The following NRROS variants were observed in gnomAD, a reference collection of about 807,000 sequenced individuals.
The protein encoded by NRROS is negative regulator of reactive oxygen species.
In NRROS, 6 loss-of-function variants were observed where a neutral mutation model predicts 12.0. The ratio of observed to expected loss-of-function variants is 0.50; its 90% CI spans 0.27 to 0.98. NRROS has a LOEUF of 0.98. Among genes scored for constraint, NRROS ranks in the 50% least tolerant of loss-of-function variants. NRROS has a pLI of 0.11. For synonymous variants in NRROS, 462 were observed against 410.2 expected, an observed-to-expected ratio of 1.13 and a Z score of -1.53; for missense variants, 857 against 888.2, an observed-to-expected ratio of 0.96 and a Z score of 0.45.
At chr3:196,644,214 C>A (rs1210384094) in intron 1 of NRROS, among the ~76,000 whole-genome samples, 1 of 152,076 alleles carries the variant, frequency 6.6e-6, no homozygotes, top group Non-Finnish European at 1.5e-5. Context: ...CTTGCTTTGT[C>A]TCCACAGAAG....
chr3:196,659,389 A>C (rs149080484), intron 2 of NRROS, among the ~76,000 whole-genome samples: 1,699 of 146,332 alleles, frequency 0.012, 39 homozygotes, highest in African/African-American at 0.041. Flanking sequence ...GCTCACTGCA[A>C]TCTCTGCCTC....
chr3:196,660,767 C>G lies in NRROS; in HGVS notation c.1124C>G (p.Pro375Arg), dbSNP rs775822148. The change falls in exon 3 of 3, where the codon CCC becomes CGC. Residue 375 changes from proline to arginine, a missense_variant. Coordinates refer to ENST00000328557, the MANE Select transcript of NRROS (RefSeq NM_198565.3). This position sits in a 1 kb window ranked among gnomAD's most constrained non-coding sequence, Gnocchi z 7.7. ...MTLHIREHEP[P>R]GALTELDLSH... ...CTTCACATTCGGGAGCACGAGCCCC[C>G]CGGAGCGCTCACCGAGCTGGACCTG... 5.0e-6 allele frequency: 8 copies of G among 1,613,758 alleles called. No homozygotes were observed. The highest frequency in any genetic ancestry group is 4.5e-5 in the East Asian group (2 of 44,886).
Position 196,660,863 on chromosome 3 carries a change from TC to T in NRROS, c.1221del (p.Phe407LeufsTer3). 1 of 1,613,962 alleles carries T rather than the reference TC, an allele frequency of 6.2e-7. No individual in the cohort carries two copies. The highest frequency in any genetic ancestry group is 8.5e-7 in the Non-Finnish European group (1 of 1,180,032). ...LASCLGSLRL[F>X]NLSSNQLLGV... ...AGCTGCCTGGGCAGCCTGCGCTTGTTCAACCTGAGCTCCAACCAGCTCCTGG... is the reference window on the plus strand; with the variant it reads ...AGCTGCCTGGGCAGCCTGCGCTTGTTAACCTGAGCTCCAACCAGCTCCTGG... On this transcript the variant is annotated frameshift_variant, in exon 3 of 3. Transcript: ENST00000328557. LOFTEE classifies it low-confidence loss of function (END_TRUNC). This position sits in a 1 kb window ranked among gnomAD's most constrained non-coding sequence, Gnocchi z 7.7.
In NRROS at chr3:196,660,304, G is replaced by A. The variant is rs982639724; in HGVS notation, c.661G>A (p.Val221Met). Residue 221 changes from valine (V) to methionine (M), a missense_variant, in exon 3 of 3, where the codon GTG (valine) becomes ATG (methionine). Physicochemically the swap from Val to Met is conservative, Grantham distance 21. Coordinates refer to ENST00000328557, the MANE Select transcript of NRROS (RefSeq NM_198565.3). This position sits in a 1 kb window ranked among gnomAD's most constrained non-coding sequence, Gnocchi z 7.7. ...NLAFNNLPCIVDFGLTRLRVL... is the reference protein window; with the variant it reads ...NLAFNNLPCIMDFGLTRLRVL... Reference sequence around the variant, plus strand: ...GGCCTTCAACAACCTCCCCTGCATCGTGGACTTCGGGCTCACGCGGCTGCG... The same window carrying A: ...GGCCTTCAACAACCTCCCCTGCATCATGGACTTCGGGCTCACGCGGCTGCG... 5.6e-6 allele frequency: 9 copies of A among 1,613,946 alleles called. No homozygotes were observed. Among genetic ancestry groups the A allele is most frequent in the Admixed American group, 1.7e-5 (1 of 60,012 alleles).
intron 1 of NRROS, among the ~76,000 whole-genome samples, chr3:196,640,156 C>G (rs549621406): frequency 6.6e-6 from 1 of 152,216 alleles, no homozygotes; most frequent in African/African-American, 2.4e-5. Flanking sequence ...CAGATTCAGA[C>G]GTGGGTTTGA....
At chr3:196,649,673 G>T (rs555712468) in intron 1 of NRROS, among the ~76,000 whole-genome samples, 1 of 152,030 alleles carries the variant, frequency 6.6e-6, no homozygotes. Flanking sequence ...GGGTTTCACT[G>T]TGTTAGCCAG....
intron 2 of NRROS, among the ~76,000 whole-genome samples, chr3:196,658,100 C>G (rs948602215): frequency 1.3e-5 from 2 of 152,244 alleles, no homozygotes; most frequent in African/African-American, 4.8e-5. Context: ...CCCTGGAACT[C>G]TTGCTCTCAG....
intron 2 of NRROS, among the ~76,000 whole-genome samples, chr3:196,657,707 CAAA>C (rs11403911): frequency 5.7e-5 from 7 of 123,166 alleles, no homozygotes; most frequent in Admixed American, 8.2e-5. Flanking sequence ...GACTCTGTCT[CAAA>C]AAAAAAAAAA....
At position 196,660,102 on chromosome 3, in the gene NRROS, C is replaced by G. The variant is rs143442680; in HGVS notation, c.459C>G (p.Leu153=). 6.2e-7 allele frequency: 1 copy of G among 1,613,172 alleles called. No homozygotes were observed. The highest frequency in any genetic ancestry group is 1.1e-5 in the South Asian group (1 of 91,066). The change falls in exon 3 of 3, where the codon CTC becomes CTG. Residue 153 remains leucine (L), a synonymous_variant. Transcript: ENST00000328557. This position sits in a 1 kb window ranked among gnomAD's most constrained non-coding sequence, Gnocchi z 7.7. ...CGGAGGACATGGCAGCCCTCATGCT[C>G]CAGAACCTCTCCTCGCTGCGGTCCG... ...ALTEDMAALM[L]QNLSSLRSVS... is the part of the protein sequence containing the mutation.
At position 196,654,645 on chromosome 3, in the gene NRROS, T is replaced by C; in HGVS notation, c.106T>C (p.Leu36=). Residue 36 remains leucine, a splice_region_variant and synonymous_variant, in exon 2 of 3, where the codon TTG becomes CTG. Coordinates refer to ENST00000328557, the MANE Select transcript of NRROS (RefSeq NM_198565.3). This position sits in a 1 kb window ranked among gnomAD's most constrained non-coding sequence, Gnocchi z 4.4. ...AGCAGCCTCCCAAGGAGTCTGCAAG[T>C]TGGTGAGTTTCCCTTGAACCCTGAT... ...ATAASQGVCK[L]VGGAADCRGQ... 1 of 1,598,694 alleles carries C rather than the reference T, an allele frequency of 6.3e-7. No individual in the cohort carries two copies. Among genetic ancestry groups the C allele is most frequent in the Non-Finnish European group, 8.6e-7 (1 of 1,166,516 alleles).
chr3:196,653,606 A>G (rs1737475938), intron 1 of NRROS, among the ~76,000 whole-genome samples: 1 of 152,244 alleles, frequency 6.6e-6, no homozygotes. Context: ...GCAGGGCAGC[A>G]GTGAGTGCAG....
chr3:196,661,771 C>G lies in NRROS; in HGVS notation c.*49C>G. On this transcript the variant is annotated 3_prime_UTR_variant, in exon 3 of 3. Transcript: ENST00000328557. ...AATTCGGTCCGCACACAACAGGACA[C>G]TTTCTCTGCCAGCTTTCAAGATGTG... 4 of 1,457,130 alleles carry G rather than the reference C, an allele frequency of 2.7e-6. No individual in the cohort carries two copies. The highest frequency in any genetic ancestry group is 3.7e-6 in the Non-Finnish European group (4 of 1,086,654). 90.3% of individuals were successfully genotyped at this position (1,457,130 alleles called of 1,614,324 possible). A position where few individuals can be genotyped will look rare whatever the true frequency, so the allele number is the denominator to read the frequency against.
intron 2 of NRROS, among the ~76,000 whole-genome samples, chr3:196,659,498 A>T (rs939083502): frequency 2.0e-5 from 3 of 151,854 alleles, no homozygotes; most frequent in Admixed American, 1.3e-4. Flanking sequence ...CTGTAGAGAC[A>T]GGACCTCACC....
chr3:196,650,179 G>A (rs1271363780), intron 1 of NRROS, among the ~76,000 whole-genome samples: 3 of 152,132 alleles, frequency 2.0e-5, no homozygotes, highest in Non-Finnish European at 2.9e-5. Flanking sequence ...ACAGAGTCTC[G>A]CTCTGCTGCC....
intron 2 of NRROS, among the ~76,000 whole-genome samples, chr3:196,658,641 G>A (rs1323612619): frequency 2.0e-5 from 3 of 152,272 alleles, no homozygotes; most frequent in East Asian, 1.9e-4. Flanking sequence ...TTGTGCAAAC[G>A]AATGCCATTG....
At chr3:196,658,795 C>T (rs1321279187) in intron 2 of NRROS, among the ~76,000 whole-genome samples, 5 of 152,022 alleles carry the variant, frequency 3.3e-5, no homozygotes, top group African/African-American at 7.2e-5. Context: ...GGTGAAACCC[C>T]GTCTCTACTA....
At chr3:196,653,447 G>A (rs748546329) in intron 1 of NRROS, among the ~76,000 whole-genome samples, 9 of 152,238 alleles carry the variant, frequency 5.9e-5, no homozygotes, top group Admixed American at 3.3e-4. Flanking sequence ...GGGGTGAGCT[G>A]GTGCCGCTGG....
At chr3:196,655,945 G>A (rs147690178) in intron 2 of NRROS, among the ~76,000 whole-genome samples, 111 of 152,300 alleles carry the variant, frequency 7.3e-4, no homozygotes, top group Admixed American at 2.0e-3. Flanking sequence ...GGCCGAGGCG[G>A]GCAGATCACA....
At chr3:196,658,960 A>G (rs1333785169) in intron 2 of NRROS, among the ~76,000 whole-genome samples, 1 of 152,166 alleles carries the variant, frequency 6.6e-6, no homozygotes, top group Non-Finnish European at 1.5e-5. Flanking sequence ...ACAGGGTAAG[A>G]CTTCATCTCA....
Sources: gnomAD v4.1 joint callset for allele counts (sites outside exome capture counted in the v4.1 genomes callset) on GRCh38, gnomAD v4.1.1 for gene constraint, Gnocchi (gnomAD v3.1) non-coding constraint, MANE v1.5 for transcripts, NCBI Gene and HGNC (gene_info 2026-07-23, HGNC 2026-07-21) for gene names.